TMEM135: variants seen among roughly 807,000 people sequenced by gnomAD.
The protein encoded by TMEM135 is transmembrane protein 135.
TMEM135 carries 30 observed loss-of-function variants against 60.3 expected under a neutral mutation model. The observed-to-expected ratio is 0.50, with a 90% confidence interval of 0.37 to 0.68. The LOEUF (loss-of-function observed/expected upper bound fraction) is 0.68. Among genes scored for constraint, TMEM135 ranks in the 30% least tolerant of loss-of-function variants. The probability of loss-of-function intolerance (pLI) is 0.00; values close to 1 mark genes in which losing one functional copy is unlikely to be tolerated. For synonymous variants in TMEM135, 190 were observed against 186.7 expected (o/e 1.02, Z -0.14); for missense variants, 468 against 548.8 (o/e 0.85, Z 1.47).
rs185046611 is a variant in TMEM135 at position 87,049,812 on chromosome 11, G to A, written c.141+11626G>A. On this transcript the variant is annotated intron_variant, in intron 1 of 14. Coordinates refer to ENST00000305494, the MANE Select transcript of TMEM135 (RefSeq NM_022918.4). ...AATTGAACTCAGCTCTGCACCAAGCGGACCTAATAGACATCTGCAGAACTC... is the reference window on the plus strand; with the variant it reads ...AATTGAACTCAGCTCTGCACCAAGCAGACCTAATAGACATCTGCAGAACTC... 9.8e-5 allele frequency among the ~76,000 whole-genome samples: 10 copies of A among 102,340 alleles called. 2 individuals carry two copies. Among genetic ancestry groups the A allele is most frequent in the Non-Finnish European group, 1.3e-4 (7 of 52,988 alleles). 67.1% of individuals were successfully genotyped at this position (102,340 alleles called of 152,430 possible).
chr11:87,209,676 G>A (rs752719495), intron 5 of TMEM135, among the ~76,000 whole-genome samples: 9 of 152,036 alleles, frequency 5.9e-5, no homozygotes, highest in African/African-American at 1.9e-4. Flanking sequence ...AACTCAACAC[G>A]ACCAGTTGTA....
At chr11:87,115,479 A>C (rs1260714027) in intron 4 of TMEM135, among the ~76,000 whole-genome samples, 1 of 152,132 alleles carries the variant, frequency 6.6e-6, no homozygotes, top group Non-Finnish European at 1.5e-5. Flanking sequence ...TCCCTCTTTA[A>C]GTAAATACTT....
At chr11:87,252,660 A>G (rs1941440580) in intron 6 of TMEM135, among the ~76,000 whole-genome samples, 1 of 151,864 alleles carries the variant, frequency 6.6e-6, no homozygotes, top group Non-Finnish European at 1.5e-5. Flanking sequence ...AATCCCAGCT[A>G]CTTGGGTGGC....
At position 87,328,640 on chromosome 11, in the gene TMEM135, C is replaced by T. The variant is rs1163824408; in HGVS notation, c.*7307C>T. On this transcript the variant is annotated 3_prime_UTR_variant, in exon 15 of 15. Coordinates refer to ENST00000305494, the MANE Select transcript of TMEM135 (RefSeq NM_022918.4). ...TTACTTTACTTAGAATAATGGCCTCCAGCTCCATCCAAGATGCTGCAAAAG... is the reference window on the plus strand; with the variant it reads ...TTACTTTACTTAGAATAATGGCCTCTAGCTCCATCCAAGATGCTGCAAAAG... 2.2e-6 allele frequency: 1 copy of T among 453,946 alleles called. No individual in the cohort carries two copies. Among genetic ancestry groups the T allele is most frequent in the Admixed American group, 2.3e-5 (1 of 42,556 alleles). The allele number at this position is 453,946 out of a possible 1,614,324, so 28.1% of individuals were successfully genotyped here. A position where few individuals can be genotyped will look rare whatever the true frequency, so the allele number is the denominator to read the frequency against.
intron 5 of TMEM135, among the ~76,000 whole-genome samples, chr11:87,188,843 G>A (rs918026447): frequency 2.0e-5 from 3 of 152,082 alleles, no homozygotes; most frequent in Non-Finnish European, 2.9e-5. Flanking sequence ...ATTAACCACT[G>A]TTAATGGTTT....
chr11:87,287,411 G>C (rs925047003), intron 6 of TMEM135, among the ~76,000 whole-genome samples: 1 of 152,226 alleles, frequency 6.6e-6, no homozygotes, highest in Non-Finnish European at 1.5e-5. Flanking sequence ...GGGCGCAGTG[G>C]CTCAAGCCTG....
intron 1 of TMEM135, among the ~76,000 whole-genome samples, chr11:87,063,331 T>A (rs1166434765): frequency 6.6e-6 from 1 of 152,166 alleles, no homozygotes; most frequent in African/African-American, 2.4e-5. Flanking sequence ...TTTAGCTAAA[T>A]CTTTATATGC....
chr11:87,183,983 G>A (rs1323115572), intron 5 of TMEM135, among the ~76,000 whole-genome samples: 2 of 142,068 alleles, frequency 1.4e-5, no homozygotes, highest in African/African-American at 2.6e-5. Flanking sequence ...AAAAAAATCC[G>A]AGAGTTAAAC....
chr11:87,225,079 T>G (rs1940737644), intron 5 of TMEM135, among the ~76,000 whole-genome samples: 1 of 152,146 alleles, frequency 6.6e-6, no homozygotes, highest in South Asian at 2.1e-4. Context: ...ACAGACTATA[T>G]TTTAACTTAC....
At chr11:87,312,915 T>C (rs1169067423) in intron 10 of TMEM135, among the ~76,000 whole-genome samples, 1 of 151,954 alleles carries the variant, frequency 6.6e-6, no homozygotes, top group African/African-American at 2.4e-5. Context: ...GCATTTCTTT[T>C]CATAGTTCTA....
At chr11:87,091,265 C>A in intron 3 of TMEM135, 97 bp from the exon 4 acceptor site, 1 of 1,122,808 alleles carries the variant, frequency 8.9e-7, no homozygotes, top group Non-Finnish European at 1.3e-6. Flanking sequence ...TTCTCAATTT[C>A]TGAGAATATA....
chr11:87,139,472 G>A (rs187721127), intron 4 of TMEM135, among the ~76,000 whole-genome samples: 1 of 152,194 alleles, frequency 6.6e-6, no homozygotes, highest in African/African-American at 2.4e-5. Flanking sequence ...TAGATCCCAA[G>A]CAGTCACTTG....
Position 87,321,316 on chromosome 11 carries a change from C to A in TMEM135, c.1360C>A (p.Pro454Thr), listed in dbSNP as rs1224024152. Residue 454 changes from proline to threonine, a missense_variant, in exon 15 of 15, where the codon CCC (proline) becomes ACC (threonine). Pro to Thr is a conservative substitution (Grantham distance 38). Coordinates refer to ENST00000305494, the MANE Select transcript of TMEM135 (RefSeq NM_022918.4). ...ATACACAACTGTAACACCAGAGTTG[C>A]CCACAGAGTTTTCCTGAAGATGACT... ...PRYTTVTPEL[P>T]TEFS 6.2e-7 allele frequency: 1 copy of A among 1,613,586 alleles called. No homozygotes were observed. Among genetic ancestry groups the A allele is most frequent in the South Asian group, 1.1e-5 (1 of 91,076 alleles).
intron 4 of TMEM135, among the ~76,000 whole-genome samples, chr11:87,118,473 G>A (rs552786044): frequency 2.1e-4 from 32 of 151,118 alleles, no homozygotes; most frequent in African/African-American, 7.5e-4. Context: ...TTTTGAGACG[G>A]TGTGTCACAC....
intron 6 of TMEM135, among the ~76,000 whole-genome samples, chr11:87,271,419 A>C (rs910371548): frequency 1.3e-5 from 2 of 152,172 alleles, no homozygotes; most frequent in African/African-American, 4.8e-5. Context: ...TACTTTCGTG[A>C]TTATGTAAAA....
chr11:87,175,591 TAAAC>T (rs140123854), intron 5 of TMEM135, among the ~76,000 whole-genome samples: 7,800 of 152,256 alleles, frequency 0.051, 308 homozygotes, highest in Non-Finnish European at 0.071. Context: ...ATTTTGTCCT[TAAAC>T]AAAACAAACA....
At chr11:87,062,346 G>C (rs1419502345) in intron 1 of TMEM135, among the ~76,000 whole-genome samples, 1 of 118,186 alleles carries the variant, frequency 8.5e-6, no homozygotes, top group African/African-American at 3.3e-5. Context: ...TTCAAATTTA[G>C]GTACATGATT....
intron 1 of TMEM135, among the ~76,000 whole-genome samples, chr11:87,058,828 G>T (rs1949918735): frequency 6.6e-6 from 1 of 151,698 alleles, no homozygotes; most frequent in Non-Finnish European, 1.5e-5. Context: ...CATCATGTTA[G>T]CCAGGATGGT....
At chr11:87,267,853 G>A (rs1002722729) in intron 6 of TMEM135, among the ~76,000 whole-genome samples, 75 of 151,996 alleles carry the variant, frequency 4.9e-4, no homozygotes, top group African/African-American at 1.4e-3. Context: ...CACGACGCCT[G>A]GAGAATTTTT....
Sources: gnomAD v4.1 joint callset for allele counts (sites outside exome capture counted in the v4.1 genomes callset) on GRCh38, gnomAD v4.1.1 for gene constraint, MANE v1.5 for transcripts, NCBI Gene and HGNC (gene_info 2026-07-23, HGNC 2026-07-21) for gene names.